The following DENND1B variants were observed in gnomAD, a reference collection of about 807,000 sequenced individuals.
DENND1B encodes the protein DENN domain-containing protein 1B.
DENND1B carries 59 observed loss-of-function variants against 90.1 expected under a neutral mutation model. That is an observed-to-expected ratio of 0.65 (90% CI 0.53 to 0.81). DENND1B has a LOEUF of 0.81. Ranked by LOEUF, DENND1B falls within the 40% of genes least tolerant of loss-of-function variation. The probability of loss-of-function intolerance (pLI) is 0.00; values close to 1 mark genes in which losing one functional copy is unlikely to be tolerated. For missense variants in DENND1B, 862 were observed against 912.6 expected (o/e 0.94, Z 0.71); for synonymous variants, 337 against 324.6 (o/e 1.04, Z -0.41).
intron 2 of DENND1B, among the ~76,000 whole-genome samples, chr1:197,728,422 A>G (rs919774300): frequency 6.6e-6 from 1 of 152,214 alleles, no homozygotes; most frequent in African/African-American, 2.4e-5. Flanking sequence ...CAAAAATTCT[A>G]TATCTCAAAT....
At chr1:197,735,843 A>C in intron 2 of DENND1B, 1 of 1,605,018 alleles carries the variant, frequency 6.2e-7, no homozygotes, top group Non-Finnish European at 8.5e-7. Flanking sequence ...AATTCAAAAG[A>C]AAAGAACTTG....
chr1:197,671,967 A>G (rs1411458229), intron 5 of DENND1B, 70 bp downstream of exon 5: 1 of 1,414,714 alleles, frequency 7.1e-7, no homozygotes, highest in Non-Finnish European at 9.4e-7. Context: ...CTTCATCCCA[A>G]GCATAACAAA....
At chr1:197,746,895 T>C (rs1663809980) in intron 2 of DENND1B, 1 of 1,610,710 alleles carries the variant, frequency 6.2e-7, no homozygotes, top group African/African-American at 1.3e-5. Flanking sequence ...GCTTTGGCAA[T>C]CTTTACACCA....
chr1:197,520,335 A>G (rs1668685484), intron 20 of DENND1B, among the ~76,000 whole-genome samples: 2 of 152,006 alleles, frequency 1.3e-5, no homozygotes. Flanking sequence ...TACTACATAT[A>G]GTAGAGCAGT....
At chr1:197,732,799 C>T (rs1237521498) in intron 2 of DENND1B, among the ~76,000 whole-genome samples, 1 of 152,152 alleles carries the variant, frequency 6.6e-6, no homozygotes, top group Non-Finnish European at 1.5e-5. Flanking sequence ...TCCATCACCT[C>T]TAAATGGACT....
chr1:197,722,799 T>G (rs1661302194), intron 2 of DENND1B, among the ~76,000 whole-genome samples: 1 of 152,188 alleles, frequency 6.6e-6, no homozygotes, highest in African/African-American at 2.4e-5. Context: ...TATTTGTTAT[T>G]TTACATAATG....
chr1:197,541,151 T>C, intron 18 of DENND1B, 136 bp from the exon 19 acceptor site: 1 of 822,702 alleles, frequency 1.2e-6, no homozygotes, highest in East Asian at 2.8e-5. Flanking sequence ...TAATCTAACA[T>C]TCTATTTTCA....
upstream of DENND1B, among the ~76,000 whole-genome samples, chr1:197,776,124 T>C (rs951725059): frequency 1.3e-5 from 2 of 152,170 alleles, no homozygotes; most frequent in Non-Finnish European, 2.9e-5. Flanking sequence ...CCTCATAGTC[T>C]GGCAGTTTAG....
At chr1:197,538,448 C>T (rs1238607142) in intron 20 of DENND1B, among the ~76,000 whole-genome samples, 1 of 152,124 alleles carries the variant, frequency 6.6e-6, no homozygotes, top group Non-Finnish European at 1.5e-5. Flanking sequence ...TTAGAACAGA[C>T]AATCAGTACT....
intron 10 of DENND1B, among the ~76,000 whole-genome samples, chr1:197,628,822 A>G (rs1679043639): frequency 6.6e-6 from 1 of 152,014 alleles, no homozygotes; most frequent in African/African-American, 2.4e-5. Flanking sequence ...ACTCAAACAA[A>G]TTTACAAGAA....
chr1:197,635,012 CAAGGAAGGAAGG>C lies in DENND1B; in HGVS notation c.672+7687_672+7698del, dbSNP rs201896777. On this transcript the variant is annotated intron_variant, in intron 10 of 22. Transcript: ENST00000620048. ...TCTGCGTGAAAAGGAAGGAAGGAAG[CAAGGAAGGAAGG>C]AAGGAAGGAAGGAAGGGAAGGAAGG... Among the ~76,000 whole-genome samples, 356 of 150,244 alleles carry C rather than the reference CAAGGAAGGAAGG, an allele frequency of 2.4e-3. 2 individuals carry two copies. The highest frequency in any genetic ancestry group is 8.1e-3 in the African/African-American group (332 of 40,904).
At chr1:197,661,102 G>A (rs1477566640) in intron 5 of DENND1B, among the ~76,000 whole-genome samples, 1 of 151,818 alleles carries the variant, frequency 6.6e-6, no homozygotes, top group Non-Finnish European at 1.5e-5. Context: ...CAGTTTTTGG[G>A]GAATCTAAAA....
In DENND1B at chr1:197,508,108, G is replaced by A. The variant is rs1200428519; in HGVS notation, c.*2352C>T. The A allele has an allele frequency of 6.6e-6, 1 of 151,286 alleles. No homozygotes were observed. Among genetic ancestry groups the A allele is most frequent in the African/African-American group, 2.4e-5 (1 of 41,244 alleles). 9.4% of individuals were successfully genotyped at this position (151,286 alleles called of 1,614,324 possible). ...TTTGGATTTCTGAAGCCGTGATGTT[G>A]ATAAAGCAAATGGACTAAAAACCAA... On this transcript the variant is annotated 3_prime_UTR_variant, in exon 23 of 23. Transcript: ENST00000620048.
chr1:197,568,519 C>A (rs1298446535), intron 15 of DENND1B, among the ~76,000 whole-genome samples: 1 of 151,836 alleles, frequency 6.6e-6, no homozygotes, highest in Non-Finnish European at 1.5e-5. Context: ...CATATGGAAC[C>A]ACAAAAGACC....
intron 2 of DENND1B, among the ~76,000 whole-genome samples, chr1:197,752,869 G>A (rs1255507502): frequency 6.6e-6 from 1 of 151,926 alleles, no homozygotes; most frequent in Non-Finnish European, 1.5e-5. Flanking sequence ...CACTCTATGA[G>A]TGAGAACATG....
chr1:197,623,243 A>G (rs2125875409), intron 10 of DENND1B, among the ~76,000 whole-genome samples: 1 of 151,662 alleles, frequency 6.6e-6, no homozygotes, highest in Non-Finnish European at 1.5e-5. Flanking sequence ...AACTGAATCA[A>G]TACTTAATTT....
rs1253171314 is a variant in DENND1B, at chr1:197,770,755, TATATATAAATATATATCTATAA to T, written c.82+2091_82+2112del. Among the ~76,000 whole-genome samples the T allele has an allele frequency of 2.2e-3, 305 of 141,712 alleles. 3 individuals carry two copies. The highest frequency in any genetic ancestry group is 0.017 in the South Asian group (80 of 4,736). The allele number at this position is 141,712 out of a possible 152,430, so 93.0% of individuals were successfully genotyped here. On this transcript the variant is annotated intron_variant, in intron 2 of 22. Transcript: ENST00000620048. ...ATATATAAATATATATATCTATAAA[TATATATAAATATATATCTATAA>T]ATATATAAATATATATCTATAAATA...
upstream of DENND1B, among the ~76,000 whole-genome samples, chr1:197,779,507 T>C (rs911057844): frequency 6.6e-6 from 1 of 152,106 alleles, no homozygotes; most frequent in African/African-American, 2.4e-5. Flanking sequence ...TCTGGGACTC[T>C]GATAACACAT....
chr1:197,646,654 A>T (rs1680756999), intron 8 of DENND1B, among the ~76,000 whole-genome samples: 1 of 152,032 alleles, frequency 6.6e-6, no homozygotes, highest in African/African-American at 2.4e-5. Flanking sequence ...CAGAACAAGG[A>T]TAGTTAACAC....
Sources: allele counts gnomAD v4.1 joint callset (sites outside exome capture counted in the v4.1 genomes callset), GRCh38; gene constraint gnomAD v4.1.1; transcripts MANE v1.5; gene names NCBI Gene and HGNC (gene_info 2026-07-23, HGNC 2026-07-21).